The following MITF variants were observed in gnomAD, a reference collection of about 807,000 sequenced individuals.
MITF encodes melanocyte inducing transcription factor.
In MITF, 17 loss-of-function variants were observed where a neutral mutation model predicts 60.5. The ratio of observed to expected loss-of-function variants is 0.28; its 90% CI spans 0.19 to 0.42. The LOEUF (loss-of-function observed/expected upper bound fraction) is 0.42, where lower values mean the gene tolerates loss of function less well. Among genes scored for constraint, MITF ranks in the 10% least tolerant of loss-of-function variants. The pLI, the probability that MITF is intolerant of heterozygous loss-of-function variation, is 1.00. For missense variants in MITF, 622 were observed against 683.5 expected (o/e 0.91, Z 1.00); for synonymous variants, 260 against 248.5 (o/e 1.05, Z -0.43).
intron 1 of MITF, among the ~76,000 whole-genome samples, chr3:69,842,232 T>A (rs1307447990): frequency 6.6e-6 from 1 of 152,008 alleles, no homozygotes; most frequent in Non-Finnish European, 1.5e-5. Context: ...TACTCCAAAA[T>A]CATGCAGTAG....
At chr3:69,941,851 C>G (rs1020037050) in intron 5 of MITF, among the ~76,000 whole-genome samples, 1 of 152,098 alleles carries the variant, frequency 6.6e-6, no homozygotes, top group Non-Finnish European at 1.5e-5. Context: ...TAATTTAGAG[C>G]CTTGCCTATA....
intron 1 of MITF, among the ~76,000 whole-genome samples, chr3:69,817,496 T>A (rs977716279): frequency 4.6e-5 from 7 of 152,012 alleles, no homozygotes; most frequent in African/African-American, 1.7e-4. Context: ...TACTGTATAC[T>A]CTGGATGGAT....
chr3:69,841,986 C>T (rs757676541), intron 1 of MITF, among the ~76,000 whole-genome samples: 1 of 152,194 alleles, frequency 6.6e-6, no homozygotes, highest in East Asian at 1.9e-4. Flanking sequence ...ACTTTCATGA[C>T]ATATGTTAAG....
chr3:69,795,828 A>G lies in MITF; in HGVS notation c.104+56127A>G, dbSNP rs2062818369. Reference sequence around the variant, plus strand: ...ATTAAATCAATCTAATTTCAAAGGCACGTATTTAAAAAATATAAGTATATA... The same window carrying G: ...ATTAAATCAATCTAATTTCAAAGGCGCGTATTTAAAAAATATAAGTATATA... On this transcript the variant is annotated intron_variant, in intron 1 of 9. Coordinates refer to ENST00000352241, the MANE Select transcript of MITF (RefSeq NM_001354604.2). Among the ~76,000 whole-genome samples the G allele has an allele frequency of 1.3e-5, 2 of 152,206 alleles. 1 individual carries two copies. Among genetic ancestry groups the G allele is most frequent in the Admixed American group, 1.3e-4 (2 of 15,284 alleles).
chr3:69,935,080 A>C (rs1291518606), intron 2 of MITF, among the ~76,000 whole-genome samples: 3 of 152,136 alleles, frequency 2.0e-5, no homozygotes, highest in Admixed American at 2.0e-4. Context: ...CACAGACCTC[A>C]CTACTCCTTA....
intron 1 of MITF, among the ~76,000 whole-genome samples, chr3:69,820,010 T>C (rs1575763643): frequency 6.6e-6 from 1 of 152,128 alleles, no homozygotes; most frequent in Non-Finnish European, 1.5e-5. Flanking sequence ...AGTTAGAGCA[T>C]TGATGTCCAA....
rs147960490 is a variant in MITF, at chr3:69,951,559, A to G, written c.881-253A>G. 3.6e-3 allele frequency among the ~76,000 whole-genome samples: 541 copies of G among 152,200 alleles called. 1 individual carries two copies. Among genetic ancestry groups the G allele is most frequent in the African/African-American group, 0.012 (486 of 41,502 alleles). On this transcript the variant is annotated intron_variant, in intron 6 of 9. Coordinates refer to ENST00000352241, the MANE Select transcript of MITF (RefSeq NM_001354604.2). Reference sequence around the variant, plus strand: ...TCTGTATATGTTTACAGTGTGCTATATATAATTTTTACCAGGGTTTTTTTT... The same window carrying G: ...TCTGTATATGTTTACAGTGTGCTATGTATAATTTTTACCAGGGTTTTTTTT...
chr3:69,929,345 A>G (rs9882576), intron 2 of MITF, among the ~76,000 whole-genome samples: 9,216 of 152,224 alleles, frequency 0.061, 683 homozygotes, highest in African/African-American at 0.17. Context: ...TATGTCCTTA[A>G]GATAGTTATA....
chr3:69,805,193 T>C (rs1259420446), intron 1 of MITF, among the ~76,000 whole-genome samples: 2 of 152,188 alleles, frequency 1.3e-5, no homozygotes, highest in East Asian at 1.9e-4. Flanking sequence ...AATTGATCTA[T>C]TGCCACGTGT....
chr3:69,812,681 G>T (rs1408462090), intron 1 of MITF, among the ~76,000 whole-genome samples: 2 of 152,048 alleles, frequency 1.3e-5, no homozygotes, highest in Non-Finnish European at 1.5e-5. Context: ...CTCACAATGC[G>T]GGTGACATAG....
At chr3:69,858,328 T>C (rs2063954974) in intron 1 of MITF, among the ~76,000 whole-genome samples, 1 of 152,126 alleles carries the variant, frequency 6.6e-6, no homozygotes, top group South Asian at 2.1e-4. Context: ...AAATATTATT[T>C]TTCTCATTTT....
intron 7 of MITF, 94 bp downstream of exon 7, chr3:69,951,980 C>A: frequency 2.2e-6 from 2 of 898,994 alleles, no homozygotes; most frequent in South Asian, 2.8e-5. Flanking sequence ...AGAGTTGATT[C>A]CTACAGCTGT....
chr3:69,790,668 T>A (rs185913496), intron 1 of MITF, among the ~76,000 whole-genome samples: 4 of 152,290 alleles, frequency 2.6e-5, no homozygotes, highest in African/African-American at 4.8e-5. Flanking sequence ...CAATATTTTT[T>A]AAAAATTAGG....
At chr3:69,811,749 G>A (rs1338648398) in intron 1 of MITF, among the ~76,000 whole-genome samples, 1 of 152,192 alleles carries the variant, frequency 6.6e-6, no homozygotes, top group Non-Finnish European at 1.5e-5. Context: ...GAATGACAAG[G>A]AAGGTATGGG....
intron 1 of MITF, among the ~76,000 whole-genome samples, chr3:69,757,996 CATGT>C (rs1233508221): frequency 8.3e-5 from 8 of 96,448 alleles, no homozygotes; most frequent in East Asian, 2.8e-4. Flanking sequence ...TACCCTAGGG[CATGT>C]GTGTGTGTGT....
chr3:69,815,329 C>G (rs1471790310), intron 1 of MITF, among the ~76,000 whole-genome samples: 1 of 152,140 alleles, frequency 6.6e-6, no homozygotes, highest in Non-Finnish European at 1.5e-5. Flanking sequence ...CAACACAGGT[C>G]TGAACTGCTT....
At chr3:69,831,539 C>T (rs2063448157) in intron 1 of MITF, among the ~76,000 whole-genome samples, 1 of 152,176 alleles carries the variant, frequency 6.6e-6, no homozygotes. Flanking sequence ...GTCCTCAAGA[C>T]ATATTTCTAT....
At position 69,746,088 on chromosome 3, in the gene MITF, C is replaced by T. The variant is rs1011396726; in HGVS notation, c.104+6387C>T. Among the ~76,000 whole-genome samples, 5 of 152,136 alleles carry T rather than the reference C, an allele frequency of 3.3e-5. No individual in the cohort carries two copies. In the East Asian group the frequency reaches 5.8e-4, roughly 18 times the overall value. Reference sequence around the variant, plus strand: ...ATGTTCAAATCGTACTATGCAGATTCGTTTTGTGGTATGATTAGAGGGAAC... The same window carrying T: ...ATGTTCAAATCGTACTATGCAGATTTGTTTTGTGGTATGATTAGAGGGAAC... On this transcript the variant is annotated intron_variant, in intron 1 of 9. Transcript: ENST00000352241.
intron 1 of MITF, among the ~76,000 whole-genome samples, chr3:69,845,356 C>T (rs2063710867): frequency 6.6e-6 from 1 of 151,368 alleles, no homozygotes; most frequent in South Asian, 2.1e-4. Context: ...ATTTTTCTGA[C>T]CTATTTTTGA....
Sources: gnomAD v4.1 joint callset for allele counts (sites outside exome capture counted in the v4.1 genomes callset) on GRCh38, gnomAD v4.1.1 for gene constraint, MANE v1.5 for transcripts, NCBI Gene and HGNC (gene_info 2026-07-23, HGNC 2026-07-21) for gene names.